PDYN: variants seen among roughly 807,000 people sequenced by gnomAD.
The protein encoded by PDYN is prodynorphin, also known as proenkephalin-B.
PDYN carries 5 observed loss-of-function variants against 11.4 expected under a neutral mutation model. The ratio of observed to expected loss-of-function variants is 0.44; its 90% CI spans 0.23 to 0.92. The LOEUF is 0.92. Ranked by LOEUF, PDYN falls within the 40% of genes least tolerant of loss-of-function variation. PDYN has a pLI of 0.24. For missense variants in PDYN, 337 were observed against 317.3 expected, an observed-to-expected ratio of 1.06 and a Z score of -0.47; for synonymous variants, 132 against 129.5, an observed-to-expected ratio of 1.02 and a Z score of -0.13.
At chr20:1,992,722 G>A (rs1402116488) in intron 1 of PDYN, 79 bp from the exon 2 acceptor site, 2 of 152,404 alleles carry the variant, frequency 1.3e-5, no homozygotes, top group African/African-American at 4.8e-5. Flanking sequence ...AGGTGCCACA[G>A]AGGGGTGGGA....
intron 1 of PDYN, among the ~76,000 whole-genome samples, chr20:1,993,175 C>T (rs1266135397): frequency 6.6e-6 from 1 of 151,502 alleles, no homozygotes; most frequent in Non-Finnish European, 1.5e-5. Flanking sequence ...CCCTTTGAGC[C>T]TCCTCCTGGC....
chr20:1,992,792 G>C (rs1053025058), intron 1 of PDYN, 149 bp from the exon 2 acceptor site: 4 of 152,264 alleles, frequency 2.6e-5, no homozygotes, highest in African/African-American at 9.6e-5. Context: ...CTTTGCAATG[G>C]ATCTCGACTG....
At chr20:1,982,612 A>G (rs1427697994) in intron 3 of PDYN, among the ~76,000 whole-genome samples, 1 of 152,170 alleles carries the variant, frequency 6.6e-6, no homozygotes. Flanking sequence ...GGAGGTGCTC[A>G]TCAGCCCAGG....
intron 2 of PDYN, among the ~76,000 whole-genome samples, chr20:1,987,019 C>T (rs1192954285): frequency 6.6e-6 from 1 of 152,198 alleles, no homozygotes; most frequent in Non-Finnish European, 1.5e-5. Flanking sequence ...CACAAAATTA[C>T]CACTTACCTG....
intron 2 of PDYN, among the ~76,000 whole-genome samples, chr20:1,991,287 A>C (rs916333685): frequency 2.0e-5 from 3 of 152,230 alleles, no homozygotes; most frequent in Non-Finnish European, 4.4e-5. Context: ...ATGGCAGTTC[A>C]AGCCAATGCA....
intron 2 of PDYN, among the ~76,000 whole-genome samples, chr20:1,990,080 G>A (rs1988368540): frequency 1.3e-5 from 2 of 152,166 alleles, no homozygotes; most frequent in Non-Finnish European, 2.9e-5. Flanking sequence ...CTATGAGAAG[G>A]GACAAGCTCT....
intron 1 of PDYN, among the ~76,000 whole-genome samples, chr20:1,993,399 C>T (rs536842578): frequency 2.0e-5 from 3 of 152,184 alleles, no homozygotes; most frequent in Admixed American, 6.5e-5. Flanking sequence ...AAACACAATC[C>T]GAAAAGAATG....
chr20:1,989,721 G>T (rs1193665974), intron 2 of PDYN, among the ~76,000 whole-genome samples: 1 of 152,196 alleles, frequency 6.6e-6, no homozygotes, highest in Non-Finnish European at 1.5e-5. Context: ...ATGGGAAAAG[G>T]TAGAAATGAA....
At chr20:1,985,071 T>G (rs1356760351) in intron 2 of PDYN, among the ~76,000 whole-genome samples, 1 of 152,194 alleles carries the variant, frequency 6.6e-6, no homozygotes, top group African/African-American at 2.4e-5. Context: ...ATGGTCTTTG[T>G]AACCTGACAA....
chr20:1,981,060 G>T, intron 3 of PDYN, 102 bp from the exon 4 acceptor site: 2 of 1,297,274 alleles, frequency 1.5e-6, no homozygotes, highest in Non-Finnish European at 2.2e-6. Context: ...CAAAATGAAC[G>T]CCACTGCTAA....
intron 2 of PDYN, among the ~76,000 whole-genome samples, chr20:1,991,202 C>A (rs140539804): frequency 3.5e-4 from 54 of 152,316 alleles, no homozygotes; most frequent in African/African-American, 1.3e-3. Flanking sequence ...GGGCAAGAGA[C>A]CCTGCCACAT....
Position 1,982,994 on chromosome 20 carries a change from C to G in PDYN, c.91G>C (p.Val31Leu). Reference sequence around the variant, plus strand: ...GGTTTGGGACCATCCTGGGTCTTTACAGCACACAAGGAGCACCGCGACAGG... The same window carrying G: ...GGTTTGGGACCATCCTGGGTCTTTAGAGCACACAAGGAGCACCGCGACAGG... ...DCLSRCSLCA[V>L]KTQDGPKPIN... Residue 31 changes from valine to leucine, a missense_variant, in exon 3 of 4, where the codon GTA (valine) becomes CTA (leucine). Physicochemically the swap from Val to Leu is conservative, Grantham distance 32 (BLOSUM62 1). Coordinates refer to ENST00000217305, the MANE Select transcript of PDYN (RefSeq NM_024411.5). 6.2e-7 allele frequency: 1 copy of G among 1,614,054 alleles called. No individual in the cohort carries two copies. The highest frequency in any genetic ancestry group is 8.5e-7 in the Non-Finnish European group (1 of 1,179,942).
At chr20:1,991,665 G>C (rs1988454808) in intron 2 of PDYN, among the ~76,000 whole-genome samples, 3 of 152,230 alleles carry the variant, frequency 2.0e-5, no homozygotes, top group Non-Finnish European at 4.4e-5. Context: ...TGAATACAGT[G>C]AGAGAAATCA....
chr20:1,982,754 C>A (rs1285231251), intron 3 of PDYN, among the ~76,000 whole-genome samples: 1 of 152,194 alleles, frequency 6.6e-6, no homozygotes, highest in Non-Finnish European at 1.5e-5. Flanking sequence ...CCTAAGTGAA[C>A]CCATGATGGC....
At position 1,987,302 on chromosome 20, in the gene PDYN, G is replaced by A. The variant is rs184864802; in HGVS notation, c.-19-4199C>T. Among the ~76,000 whole-genome samples, 379 of 152,270 alleles carry A rather than the reference G, an allele frequency of 2.5e-3. 1 individual carries two copies. Among genetic ancestry groups the A allele is most frequent in the Non-Finnish European group, 3.0e-3 (203 of 68,010 alleles). On this transcript the variant is annotated intron_variant, in intron 2 of 3. Transcript: ENST00000217305. ...ATGGTGTCCCAGTACCTCATACAGG[G>A]CTAGAATGAGAGCAGGAGCTGCACA... is the stretch of plus-strand genomic sequence containing the variant.
At chr20:1,982,804 G>A (rs1016397209) in intron 3 of PDYN, 152 bp downstream of exon 3, 1 of 744,048 alleles carries the variant, frequency 1.3e-6, no homozygotes, top group Non-Finnish European at 2.3e-6. Context: ...TGGTGTCCAG[G>A]CCATCTATAG....
rs147181436 is a variant in PDYN at position 1,980,683 on chromosome 20, G to T, written c.405C>A (p.Asp135Glu). The T allele has an allele frequency of 3.1e-6, 5 of 1,614,038 alleles. No homozygotes were observed. The African/African-American group carries it at 6.7e-5, about 22-fold the overall frequency. ...CAGACTCTGCTCCCTCCCTAAACCC[G>T]TCAGAGAGACCCCTGAGCTTCTCCT... ...SLEEKLRGLS[D>E]GFREGAESEL... The change falls in exon 4 of 4, where the codon GAC (aspartate) becomes GAA (glutamate). Residue 135 changes from aspartate to glutamate, a missense_variant. Transcript: ENST00000217305.
rs1568539757 is a variant in PDYN at position 1,983,064 on chromosome 20, G to C, written c.21C>G (p.Val7=). The C allele has an allele frequency of 6.2e-7, 1 of 1,613,412 alleles. No homozygotes were observed. The highest frequency in any genetic ancestry group is 8.5e-7 in the Non-Finnish European group (1 of 1,179,860). The change falls in exon 3 of 4, where the codon GTC becomes GTG. Residue 7 remains valine, a synonymous_variant. Transcript: ENST00000217305. ...GGAACATGAGGAGGCAGGCAGCCAG[G>C]ACCAGCCCCTGCCAGGCCATCCTGT... The part of the protein sequence containing the change: MAWQGL[V]LAACLLMFPS...
chr20:1,982,150 G>A (rs1225647443), intron 3 of PDYN, among the ~76,000 whole-genome samples: 1 of 151,934 alleles, frequency 6.6e-6, no homozygotes. Context: ...CCAGCCACTC[G>A]GGAGGCTGAG....
Sources: allele counts gnomAD v4.1 joint callset (sites outside exome capture counted in the v4.1 genomes callset), GRCh38; gene constraint gnomAD v4.1.1; transcripts MANE v1.5; gene names NCBI Gene and HGNC (gene_info 2026-07-23, HGNC 2026-07-21).